PIK3C2G: variants seen among roughly 807,000 people sequenced by gnomAD.
The protein encoded by PIK3C2G is phosphatidylinositol 3-kinase C2 domain-containing subunit gamma.
A neutral mutation model predicts 181.1 loss-of-function variants in PIK3C2G; 168 were observed. That is an observed-to-expected ratio of 0.93 (90% confidence interval 0.82 to 1.05). The LOEUF (loss-of-function observed/expected upper bound fraction) is 1.05. Ranked by LOEUF, PIK3C2G falls within the 50% of genes least tolerant of loss-of-function variation. The pLI, the probability that PIK3C2G is intolerant of heterozygous loss-of-function variation, is 0.00. For missense variants in PIK3C2G, 1,869 were observed against 1,732.8 expected, an observed-to-expected ratio of 1.08 and a Z score of -1.40; for synonymous variants, 573 against 592.2, an observed-to-expected ratio of 0.97 and a Z score of 0.47.
At chr12:18,432,978 T>A (rs1455697432) in intron 18 of PIK3C2G, among the ~76,000 whole-genome samples, 1 of 142,150 alleles carries the variant, frequency 7.0e-6, no homozygotes, top group Non-Finnish European at 1.5e-5. Flanking sequence ...ACTGAAGATG[T>A]GACTTTTTTT....
chr12:18,338,643 G>T, intron 9 of PIK3C2G, 95 bp downstream of exon 9: 1 of 814,928 alleles, frequency 1.2e-6, no homozygotes, highest in Non-Finnish European at 2.0e-6. Context: ...CTATATTTCC[G>T]TGTGTATGTT....
intron 18 of PIK3C2G, among the ~76,000 whole-genome samples, chr12:18,481,870 A>C (rs1939594313): frequency 6.6e-6 from 1 of 152,132 alleles, no homozygotes; most frequent in African/African-American, 2.4e-5. Flanking sequence ...TCTCACCTGC[A>C]ATGCAATCAG....
intron 3 of PIK3C2G, among the ~76,000 whole-genome samples, chr12:18,287,706 G>GA (rs918471924): frequency 2.7e-4 from 40 of 145,752 alleles, no homozygotes; most frequent in East Asian, 1.7e-3. Context: ...AAATATAAAA[G>GA]AAAAAAAAAT....
the PIK3C2G span, among the ~76,000 whole-genome samples, chr12:18,684,946 G>A: frequency 6.6e-6 from 1 of 151,920 alleles, no homozygotes; most frequent in African/African-American, 2.4e-5. Context: ...GCTGCCACAT[G>A]AAAAGGTCCA....
At chr12:18,619,823 C>A (rs572693445) in intron 31 of PIK3C2G, among the ~76,000 whole-genome samples, 1 of 151,032 alleles carries the variant, frequency 6.6e-6, no homozygotes, top group African/African-American at 2.4e-5. Flanking sequence ...CTCCCGGGTT[C>A]ACGCCATTCT....
the PIK3C2G span, among the ~76,000 whole-genome samples, chr12:18,720,151 T>G: frequency 6.6e-6 from 1 of 152,122 alleles, no homozygotes; most frequent in Non-Finnish European, 1.5e-5. Flanking sequence ...AACATTCTAT[T>G]TCAAAGATTT....
At chr12:18,345,362 C>G (rs544192719) in intron 10 of PIK3C2G, among the ~76,000 whole-genome samples, 9 of 152,254 alleles carry the variant, frequency 5.9e-5, no homozygotes, top group Admixed American at 2.0e-4. Context: ...CTTGTCCCCC[C>G]CAGACTGTTT....
At chr12:18,330,785 C>T (rs970973638) in intron 8 of PIK3C2G, among the ~76,000 whole-genome samples, 4 of 152,126 alleles carry the variant, frequency 2.6e-5, no homozygotes, top group African/African-American at 7.2e-5. Context: ...AGAAAGTTCA[C>T]TGTGAGGTGT....
chr12:18,622,546 G>A (rs984950368), intron 31 of PIK3C2G, among the ~76,000 whole-genome samples: 11 of 151,762 alleles, frequency 7.2e-5, no homozygotes, highest in South Asian at 6.2e-4. Context: ...TCAACATACC[G>A]GTTTCAAATA....
At chr12:18,251,522 G>A (rs1012077169) in intron 1 of PIK3C2G, among the ~76,000 whole-genome samples, 22 of 151,954 alleles carry the variant, frequency 1.4e-4, no homozygotes, top group African/African-American at 5.3e-4. Context: ...GTAGCCTATA[G>A]TATCACAAAT....
the PIK3C2G span, among the ~76,000 whole-genome samples, chr12:18,677,800 G>C: frequency 6.6e-6 from 1 of 152,018 alleles, no homozygotes; most frequent in African/African-American, 2.4e-5. Context: ...CATGTAGATA[G>C]ATCTAAAAAA....
intron 32 of PIK3C2G, among the ~76,000 whole-genome samples, chr12:18,644,780 C>T (rs1258517898): frequency 6.6e-6 from 1 of 152,158 alleles, no homozygotes; most frequent in Non-Finnish European, 1.5e-5. Flanking sequence ...TTATTCCTAC[C>T]TGTCTCCTCC....
rs267603405 is a variant in PIK3C2G at position 18,640,549 on chromosome 12, G to C, written c.4303G>C (p.Glu1435Gln). 1 of 1,593,598 alleles carries C rather than the reference G, an allele frequency of 6.3e-7. No homozygotes were observed. Among genetic ancestry groups the C allele is most frequent in the Non-Finnish European group, 8.6e-7 (1 of 1,168,256 alleles). Residue 1435 changes from glutamate (E) to glutamine (Q), a missense_variant, in exon 32 of 33, where the codon GAA becomes CAA. By Grantham distance (29) the Glu-to-Gln change is conservative (BLOSUM62 2). Coordinates refer to ENST00000538779, the MANE Select transcript of PIK3C2G (RefSeq NM_001288772.2). ...VPKCTDPTYNEIVVYDEVTEL... is the reference protein window; with the variant it reads ...VPKCTDPTYNQIVVYDEVTEL... ...AAAATGTACGGACCCCACTTACAAT[G>C]AAATTGTAAGTATAAGTCACCTTTT...
intron 14 of PIK3C2G, among the ~76,000 whole-genome samples, chr12:18,389,297 G>A (rs1943383746): frequency 6.6e-6 from 1 of 151,450 alleles, no homozygotes; most frequent in Non-Finnish European, 1.5e-5. Flanking sequence ...AGCTTGCAGT[G>A]AGCCGAAATG....
At chr12:18,651,881 G>A (rs540189414), downstream of PIK3C2G, among the ~76,000 whole-genome samples, 19 of 152,190 alleles carry the variant, frequency 1.2e-4, no homozygotes, top group Non-Finnish European at 2.2e-4. Context: ...TAAATAGAAG[G>A]GCATGAAGGA....
chr12:18,649,331 C>G (rs4764412), downstream of PIK3C2G, among the ~76,000 whole-genome samples: 2 of 151,910 alleles, frequency 1.3e-5, no homozygotes, highest in East Asian at 1.9e-4. Context: ...GAAGAACTAC[C>G]CATGCTCCTA....
chr12:18,378,986 C>A (rs1942652570), intron 13 of PIK3C2G, among the ~76,000 whole-genome samples: 2 of 152,102 alleles, frequency 1.3e-5, no homozygotes, highest in African/African-American at 4.8e-5. Context: ...ACTAGAAATA[C>A]CATTTGATCC....
intron 5 of PIK3C2G, among the ~76,000 whole-genome samples, chr12:18,306,298 T>C (rs1279075165): frequency 2.0e-5 from 3 of 151,978 alleles, no homozygotes; most frequent in Admixed American, 6.6e-5. Context: ...TTATGTCCCA[T>C]ACAGGATTTT....
At chr12:18,264,024 A>G (rs997573133) in intron 1 of PIK3C2G, among the ~76,000 whole-genome samples, 1 of 152,244 alleles carries the variant, frequency 6.6e-6, no homozygotes, top group Admixed American at 6.5e-5. Context: ...CTTCTCACTT[A>G]CGGAACTTCT....
Sources: allele counts gnomAD v4.1 joint callset (sites outside exome capture counted in the v4.1 genomes callset), GRCh38; gene constraint gnomAD v4.1.1; transcripts MANE v1.5; gene names NCBI Gene and HGNC (gene_info 2026-07-23, HGNC 2026-07-21).